Variants in COL6A6 observed in about 807,000 individuals in gnomAD.
The protein encoded by COL6A6 is collagen type VI alpha 6 chain.
In COL6A6, 183 loss-of-function variants were observed where a neutral mutation model predicts 208.6. The observed-to-expected ratio is 0.88, with a 90% CI of 0.78 to 0.99. The LOEUF (loss-of-function observed/expected upper bound fraction) is 0.99, where lower values mean the gene tolerates loss of function less well. COL6A6 is among the 50% of genes least tolerant of loss of function. The probability of loss-of-function intolerance (pLI) is 0.00; values close to 1 mark genes in which losing one functional copy is unlikely to be tolerated. For missense variants in COL6A6, 2,816 were observed against 2,815.2 expected (o/e 1.00, Z -0.01); for synonymous variants, 973 against 1,011.8 (o/e 0.96, Z 0.73).
At position 130,610,731 on chromosome 3, in the gene COL6A6, A is replaced by G. The variant is rs1332096016; in HGVS notation, c.4815+20A>G. On this transcript the variant is annotated intron_variant, in intron 23 of 36. Coordinates refer to ENST00000358511, the MANE Select transcript of COL6A6 (RefSeq NM_001102608.3). ...CCCCAGGTATGTAATGAGAAAAATG[A>G]TTGCATCTGACTTTGATCTTGGCTT... The G allele has an allele frequency of 1.0e-5, 16 of 1,539,804 alleles. No homozygotes were observed. The highest frequency in any genetic ancestry group is 3.3e-4 in the Middle Eastern group (2 of 5,972).
intron 2 of COL6A6, among the ~76,000 whole-genome samples, chr3:130,560,926 CT>C (rs1185666199): frequency 5.5e-5 from 5 of 90,444 alleles, no homozygotes; most frequent in Middle Eastern, 0.013. Flanking sequence ...CTAGCACACC[CT>C]TAACCACCTC....
chr3:130,634,052 TA>T (rs34137705), intron 26 of COL6A6, among the ~76,000 whole-genome samples: 2,449 of 27,842 alleles, frequency 0.088, 109 homozygotes, highest in Admixed American at 0.11. Flanking sequence ...TAGAGTATAA[TA>T]AAAAAAAAAA....
intron 1 of COL6A6, among the ~76,000 whole-genome samples, chr3:130,535,819 A>G (rs2062211266): frequency 6.6e-6 from 1 of 152,138 alleles, no homozygotes; most frequent in Non-Finnish European, 1.5e-5. Flanking sequence ...CTTCTTTAAT[A>G]TAGGGTTCCA....
intron 5 of COL6A6, 84 bp downstream of exon 5, chr3:130,567,346 A>G (rs1365764002): frequency 9.3e-7 from 1 of 1,074,780 alleles, no homozygotes; most frequent in Non-Finnish European, 1.3e-6. Context: ...GTTTAGAAAA[A>G]CAACATAAAT....
At chr3:130,620,156 C>A (rs955806451) in intron 23 of COL6A6, among the ~76,000 whole-genome samples, 2 of 151,958 alleles carry the variant, frequency 1.3e-5, no homozygotes, top group Admixed American at 6.6e-5. Context: ...TGTTACTCAG[C>A]CTTTTAATAT....
intron 1 of COL6A6, among the ~76,000 whole-genome samples, chr3:130,559,204 G>C (rs554749045): frequency 6.6e-6 from 1 of 152,110 alleles, no homozygotes; most frequent in South Asian, 2.1e-4. Context: ...TTTTCACTTC[G>C]GGAAATCCAC....
At chr3:130,619,414 T>C (rs2108261125) in intron 23 of COL6A6, among the ~76,000 whole-genome samples, 1 of 152,318 alleles carries the variant, frequency 6.6e-6, no homozygotes, top group East Asian at 1.9e-4. Context: ...GATGAATCAC[T>C]TGCTTTGATG....
intron 20 of COL6A6, among the ~76,000 whole-genome samples, chr3:130,602,387 A>T (rs1415521041): frequency 6.6e-6 from 1 of 152,244 alleles, no homozygotes; most frequent in East Asian, 1.9e-4. Context: ...AACATTAATA[A>T]TCTTTATTAA....
intron 33 of COL6A6, among the ~76,000 whole-genome samples, chr3:130,658,040 G>T (rs1028831393): frequency 6.6e-6 from 1 of 152,160 alleles, no homozygotes; most frequent in Non-Finnish European, 1.5e-5. Flanking sequence ...GGGCCAAGTT[G>T]GGAAAGGGTT....
At position 130,664,881 on chromosome 3, in the gene COL6A6, C is replaced by T. The variant is rs554764921; in HGVS notation, c.6503-122C>T. The T allele has an allele frequency of 9.1e-6, 6 of 657,128 alleles. No individual in the cohort carries two copies. In the East Asian group the frequency reaches 1.5e-4, roughly 17 times the overall value. 40.7% of individuals were successfully genotyped at this position (657,128 alleles called of 1,614,324 possible). A position where few individuals can be genotyped will look rare whatever the true frequency, so the allele number is the denominator to read the frequency against. The stretch of plus-strand genomic sequence containing the variant: ...ATCTGCTTTCATTTCATGTGATCAC[C>T]TTAGTTGGTATTTTTCTTGATGGCT... On this transcript the variant is annotated intron_variant, in intron 35 of 36. Coordinates refer to ENST00000358511, the MANE Select transcript of COL6A6 (RefSeq NM_001102608.3).
At chr3:130,670,970 G>C (rs2066198031) in intron 36 of COL6A6, among the ~76,000 whole-genome samples, 1 of 152,160 alleles carries the variant, frequency 6.6e-6, no homozygotes, top group Non-Finnish European at 1.5e-5. Context: ...CAAGAGACTG[G>C]ACACCCCTCT....
intron 36 of COL6A6, among the ~76,000 whole-genome samples, chr3:130,674,731 T>C (rs766151155): frequency 2.6e-5 from 4 of 152,210 alleles, no homozygotes; most frequent in Non-Finnish European, 4.4e-5. Flanking sequence ...CTCATGAACC[T>C]TCTGTCTGGT....
Position 130,665,193 on chromosome 3 carries a change from C to T in COL6A6, c.6596+97C>T, listed in dbSNP as rs549134418. ...TTTCTTGCTTTTCTTCCTCCTCCAT[C>T]TTATTTGGACAAAAATCTATTGCTA... On this transcript the variant is annotated intron_variant, in intron 36 of 36. Transcript: ENST00000358511. 8 of 714,344 alleles carry T rather than the reference C, an allele frequency of 1.1e-5. No homozygotes were observed. In the South Asian group the frequency reaches 1.4e-4, roughly 12 times the overall value. 44.3% of individuals were successfully genotyped at this position (714,344 alleles called of 1,614,324 possible). A position where few individuals can be genotyped will look rare whatever the true frequency, so the allele number is the denominator to read the frequency against.
intron 4 of COL6A6, 22 bp from the exon 5 acceptor site, chr3:130,566,680 C>G (rs1309883064): frequency 8.4e-6 from 13 of 1,556,364 alleles, no homozygotes; most frequent in Non-Finnish European, 1.0e-5. Context: ...ATGCCACATG[C>G]AACTTATTGA....
At chr3:130,642,157 ACTC>A (rs1244569800) in intron 29 of COL6A6, among the ~76,000 whole-genome samples, 7 of 151,538 alleles carry the variant, frequency 4.6e-5, no homozygotes, top group South Asian at 2.1e-4. Context: ...AAGAAGCCAG[ACTC>A]CTCTTCTTCT....
chr3:130,621,326 C>A (rs373340135), intron 23 of COL6A6, among the ~76,000 whole-genome samples: 1 of 152,250 alleles, frequency 6.6e-6, no homozygotes, highest in South Asian at 2.1e-4. Flanking sequence ...GAATATTTAT[C>A]TTATGCTACC....
intron 24 of COL6A6, among the ~76,000 whole-genome samples, chr3:130,622,673 T>C (rs998784518): frequency 2.0e-5 from 3 of 151,490 alleles, no homozygotes; most frequent in African/African-American, 7.3e-5. Context: ...CTGGCTAACA[T>C]GGTGAAACCC....
chr3:130,548,658 A>C (rs1356161302), intron 1 of COL6A6, among the ~76,000 whole-genome samples: 1 of 152,218 alleles, frequency 6.6e-6, no homozygotes, highest in Non-Finnish European at 1.5e-5. Context: ...TCCAGTATTC[A>C]CTGTGAGTTC....
rs373347732 is a variant in COL6A6 at position 130,662,043 on chromosome 3, G to A, written c.6237G>A (p.Leu2079=). ...ATGTATTTTTAAGTACACCCAATCT[G>A]AGAAGAAACAAAGTCATATTTGTGA... ...LDNVFLSTPN[L]RRNKVIFVIS... The change falls in exon 35 of 37, where the codon CTG becomes CTA. Residue 2079 remains leucine (L), a synonymous_variant. Coordinates refer to ENST00000358511, the MANE Select transcript of COL6A6 (RefSeq NM_001102608.3). The A allele has an allele frequency of 3.8e-4, 613 of 1,614,004 alleles. 4 individuals carry two copies. The Middle Eastern group carries it at 9.1e-3, about 24-fold the overall frequency.
Sources: allele counts gnomAD v4.1 joint callset (sites outside exome capture counted in the v4.1 genomes callset), GRCh38; gene constraint gnomAD v4.1.1; transcripts MANE v1.5; gene names NCBI Gene and HGNC (gene_info 2026-07-23, HGNC 2026-07-21).